The following CALN1 variants were observed in gnomAD, a reference collection of about 807,000 sequenced individuals.
CALN1 encodes calcium-binding protein 8.
A neutral mutation model predicts 30.6 loss-of-function variants in CALN1; 17 were observed. The observed-to-expected ratio is 0.56, with a 90% CI of 0.38 to 0.83. The LOEUF (loss-of-function observed/expected upper bound fraction) is 0.83, where lower values mean the gene tolerates loss of function less well. CALN1 is among the 40% of genes least tolerant of loss of function. CALN1 has a pLI of 0.00. For synonymous variants in CALN1, 156 were observed against 131.4 expected (o/e 1.19, Z -1.28); for missense variants, 291 against 354.9 (o/e 0.82, Z 1.45).
At chr7:72,039,658 C>T (rs1032654615) in intron 4 of CALN1, among the ~76,000 whole-genome samples, 7 of 152,214 alleles carry the variant, frequency 4.6e-5, no homozygotes, top group Admixed American at 1.3e-4. Flanking sequence ...CCACCTCCTT[C>T]CCCACTGTGC....
intron 6 of CALN1, among the ~76,000 whole-genome samples, chr7:71,791,966 G>A (rs574536844): frequency 9.2e-5 from 14 of 152,036 alleles, no homozygotes; most frequent in South Asian, 8.3e-4. Flanking sequence ...AGCCGAGATC[G>A]CGCCACTGCA....
intron 5 of CALN1, among the ~76,000 whole-genome samples, chr7:71,858,731 T>C (rs1791094893): frequency 6.6e-6 from 1 of 152,156 alleles, no homozygotes; most frequent in Admixed American, 6.6e-5. Context: ...TGAATCTACC[T>C]ATGACCTGGA....
At chr7:71,887,483 C>T (rs776605744) in intron 5 of CALN1, among the ~76,000 whole-genome samples, 7 of 152,042 alleles carry the variant, frequency 4.6e-5, no homozygotes, top group African/African-American at 7.2e-5. Context: ...TTAGTAGAGA[C>T]GGGGTTTCTC....
chr7:72,209,325 CCTCT>C (rs1289810331), intron 3 of CALN1, among the ~76,000 whole-genome samples: 148 of 56,864 alleles, frequency 2.6e-3, no homozygotes, highest in Middle Eastern at 8.3e-3. Flanking sequence ...TCCCTCCTTC[CCTCT>C]TTCCTTCCCT....
intron 3 of CALN1, 74 bp downstream of exon 3, chr7:72,278,612 A>C: frequency 6.3e-7 from 1 of 1,577,532 alleles, no homozygotes; most frequent in Non-Finnish European, 8.7e-7. Flanking sequence ...CAGGGCTTTC[A>C]ATTGAGCTTC....
In CALN1 at chr7:71,781,460, A is replaced by G. The variant is rs1562767401; in HGVS notation, c.*6315T>C. On this transcript the variant is annotated 3_prime_UTR_variant, in exon 7 of 7. Transcript: ENST00000395275. ...ATGCACAGAGCCTTTCGTGTGGATC[A>G]GACTGATGGGCAGCCCCATGGCACT... 6.6e-6 allele frequency: 1 copy of G among 152,126 alleles called. No homozygotes were observed. The highest frequency in any genetic ancestry group is 1.9e-4 in the East Asian group (1 of 5,180). 9.4% of individuals were successfully genotyped at this position (152,126 alleles called of 1,614,324 possible).
chr7:72,054,448 CATAT>C (rs760013013), intron 4 of CALN1, among the ~76,000 whole-genome samples: 1 of 102,258 alleles, frequency 9.8e-6, no homozygotes, highest in African/African-American at 4.2e-5. Context: ...TATATATATA[CATAT>C]ATATACATAT....
chr7:72,068,263 A>G (rs1804159890), intron 4 of CALN1, among the ~76,000 whole-genome samples: 1 of 152,238 alleles, frequency 6.6e-6, no homozygotes, highest in Non-Finnish European at 1.5e-5. Flanking sequence ...CTATTTACTC[A>G]TCAAATATTA....
At chr7:72,316,456 T>A (rs936433360) in intron 2 of CALN1, among the ~76,000 whole-genome samples, 3 of 151,936 alleles carry the variant, frequency 2.0e-5, no homozygotes, top group African/African-American at 7.2e-5. Context: ...CCCCTTCAGA[T>A]AATAAAGAGG....
chr7:72,206,800 T>C (rs2129547843), intron 3 of CALN1, among the ~76,000 whole-genome samples: 1 of 152,360 alleles, frequency 6.6e-6, no homozygotes, highest in Non-Finnish European at 1.5e-5. Flanking sequence ...AGATATGGTT[T>C]TTCCTGCTTA....
rs1791295554 is a variant in CALN1, at chr7:71,861,780, A to G, written c.502-51288T>C. 2.2e-5 allele frequency among the ~76,000 whole-genome samples: 3 copies of G among 135,094 alleles called. No homozygotes were observed. In the South Asian group the frequency reaches 7.4e-4, roughly 33 times the overall value. The allele number at this position is 135,094 out of a possible 152,430, so 88.6% of individuals were successfully genotyped here. ...GGTGAAAGAGTGCAACTCTATCCAAAAAAAAAAAAAAAAAAAAAAAGAGAG... is the reference window on the plus strand; with the variant it reads ...GGTGAAAGAGTGCAACTCTATCCAAGAAAAAAAAAAAAAAAAAAAAGAGAG... On this transcript the variant is annotated intron_variant, in intron 5 of 6. Coordinates refer to ENST00000395275, the MANE Select transcript of CALN1 (RefSeq NM_031468.4).
At chr7:71,937,358 G>C (rs1318136493) in intron 5 of CALN1, among the ~76,000 whole-genome samples, 2 of 151,556 alleles carry the variant, frequency 1.3e-5, no homozygotes, top group Non-Finnish European at 2.9e-5. Flanking sequence ...TTATATGTGT[G>C]TATATATGTA....
At chr7:72,230,348 A>AAAAAAAAAT (rs1794006627) in intron 3 of CALN1, among the ~76,000 whole-genome samples, 1 of 150,560 alleles carries the variant, frequency 6.6e-6, no homozygotes, top group South Asian at 2.1e-4. Context: ...ATACTAAAAA[A>AAAAAAAAAT]AAAAAAAAAT....
chr7:72,429,492 G>A lies in CALN1; in HGVS notation c.-225-17217C>T, dbSNP rs768389328. Among the ~76,000 whole-genome samples, 26 of 152,090 alleles carry A rather than the reference G, an allele frequency of 1.7e-4. No individual in the cohort carries two copies. The East Asian group carries it at 1.9e-3, about 11-fold the overall frequency. On this transcript the variant is annotated intron_variant, in intron 1 of 6. Coordinates refer to the CALN1 transcript ENST00000395276. ...GCTGACAAAGAACAAAATCATCACC[G>A]TTCTCTTTTCAACGGAGGACATGGT...
At chr7:71,994,180 T>A (rs574921479) in intron 5 of CALN1, among the ~76,000 whole-genome samples, 31 of 152,240 alleles carry the variant, frequency 2.0e-4, no homozygotes, top group African/African-American at 7.5e-4. Flanking sequence ...AAATTTAAAG[T>A]ACAAAGGAAT....
the CALN1 span, among the ~76,000 whole-genome samples, chr7:72,455,119 C>A: frequency 6.6e-6 from 1 of 151,986 alleles, no homozygotes; most frequent in African/African-American, 2.4e-5. Flanking sequence ...GTGTGAGCCA[C>A]CGCGCCCGGC....
intron 3 of CALN1, among the ~76,000 whole-genome samples, chr7:72,236,769 T>C (rs1054323285): frequency 4.6e-5 from 7 of 152,184 alleles, no homozygotes; most frequent in Non-Finnish European, 1.0e-4. Context: ...AATGATATAG[T>C]ACAGGTATTT....
chr7:72,015,132 A>C (rs1225220990), intron 5 of CALN1, among the ~76,000 whole-genome samples: 1 of 152,250 alleles, frequency 6.6e-6, no homozygotes, highest in African/African-American at 2.4e-5. Context: ...TGTTAAATAG[A>C]CTAAAGATCA....
At chr7:72,341,531 A>C (rs1446493985) in intron 2 of CALN1, among the ~76,000 whole-genome samples, 1 of 131,800 alleles carries the variant, frequency 7.6e-6, no homozygotes. Context: ...TCAAAAAACA[A>C]AAAAACAGAC....
Sources: allele counts gnomAD v4.1 joint callset (sites outside exome capture counted in the v4.1 genomes callset), GRCh38; gene constraint gnomAD v4.1.1; transcripts MANE v1.5; gene names NCBI Gene and HGNC (gene_info 2026-07-23, HGNC 2026-07-21).